NOB1: variants seen among roughly 807,000 people sequenced by gnomAD.
NOB1 encodes RNA-binding protein NOB1.
NOB1 carries 44 observed loss-of-function variants against 44.8 expected under a neutral mutation model. That is an observed-to-expected ratio of 0.98 (90% CI 0.77 to 1.26). NOB1 has a LOEUF of 1.26. NOB1 is among the 50% of genes most tolerant of loss of function. The probability of loss-of-function intolerance (pLI) is 0.00; values close to 1 mark genes in which losing one functional copy is unlikely to be tolerated. For synonymous variants in NOB1, 238 were observed against 218.7 expected (o/e 1.09, Z -0.78); for missense variants, 560 against 544.8 (o/e 1.03, Z -0.28).
intron 6 of NOB1, 56 bp downstream of exon 6, chr16:69,748,862 G>A (rs544952627): frequency 1.2e-4 from 179 of 1,446,196 alleles, no homozygotes; most frequent in Middle Eastern, 2.5e-4. Context: ...TGTACACCTC[G>A]GTAGGACCAC....
In NOB1 at chr16:69,744,859, G is replaced by A. The variant is rs770525334; in HGVS notation, c.969+14C>T. On this transcript the variant is annotated intron_variant, in intron 8 of 8. Transcript: ENST00000268802. Reference sequence around the variant, plus strand: ...CTCTGGTGTTGGGAGGGGACTGGGAGAGGCGCCACTCACCCGGAGGCCGCG... The same window carrying A: ...CTCTGGTGTTGGGAGGGGACTGGGAAAGGCGCCACTCACCCGGAGGCCGCG... 5 of 1,610,956 alleles carry A rather than the reference G, an allele frequency of 3.1e-6. No homozygotes were observed. The Admixed American group carries it at 6.7e-5, about 22-fold the overall frequency.
intron 8 of NOB1, among the ~76,000 whole-genome samples, chr16:69,743,561 A>G (rs896315038): frequency 6.6e-6 from 1 of 152,166 alleles, no homozygotes; most frequent in Non-Finnish European, 1.5e-5. Flanking sequence ...TTCCTGCCAA[A>G]ACTGCATAGC....
rs369237770 is a variant in NOB1, at chr16:69,754,783, C to A, written c.64-57G>T. On this transcript the variant is annotated intron_variant, in intron 1 of 8. Coordinates refer to ENST00000268802, the MANE Select transcript of NOB1 (RefSeq NM_014062.3). ...CCGCACCAAGCAACGCTCCGCGCGA[C>A]TCCACGCACTCCGGGAGGGGCGGCC... The A allele has an allele frequency of 8.1e-6, 13 of 1,612,034 alleles. No individual in the cohort carries two copies. In the African/African-American group the frequency reaches 1.2e-4, roughly 15 times the overall value.
intron 8 of NOB1, among the ~76,000 whole-genome samples, chr16:69,744,531 T>C (rs887243641): frequency 7.2e-5 from 11 of 152,082 alleles, no homozygotes; most frequent in Admixed American, 2.0e-4. Flanking sequence ...CGTCCGGCCC[T>C]CTCTTCCGTG....
rs1246576366 is a variant in NOB1, at chr16:69,754,648, C to G, written c.142G>C (p.Val48Leu). 6.2e-7 allele frequency: 1 copy of G among 1,614,118 alleles called. No individual in the cohort carries two copies. The highest frequency in any genetic ancestry group is 8.5e-7 in the Non-Finnish European group (1 of 1,180,062). Reference protein sequence around the residue: ...RDKATRRRLAVLPYELRFKEP... With the variant: ...RDKATRRRLALLPYELRFKEP... ...TTGAACCGCAGCTCGTAGGGCAGGA[C>G]AGCGAGCCGCCTGCGTGTGGCCTTG... is the stretch of plus-strand genomic sequence containing the variant. The change falls in exon 2 of 9, where the codon GTC (valine) becomes CTC (leucine). Residue 48 changes from valine (V) to leucine (L), a missense_variant. Coordinates refer to ENST00000268802, the MANE Select transcript of NOB1 (RefSeq NM_014062.3).
chr16:69,742,681 A>C (rs2038395120), intron 8 of NOB1, 80 bp from the exon 9 acceptor site: 1 of 1,430,172 alleles, frequency 7.0e-7, no homozygotes, highest in Non-Finnish European at 9.7e-7. Flanking sequence ...GGTGCAGCCG[A>C]CCTTGCAGAT....
intron 8 of NOB1, 39 bp downstream of exon 8, chr16:69,744,834 C>T (rs778695986): frequency 1.2e-6 from 2 of 1,601,366 alleles, no homozygotes; most frequent in South Asian, 1.1e-5. Flanking sequence ...TTCTTTTTCA[C>T]TCTGGTGTTG....
chr16:69,748,141 G>C, intron 7 of NOB1, 91 bp downstream of exon 7: 1 of 941,936 alleles, frequency 1.1e-6, no homozygotes. Context: ...CTCCAGCCTA[G>C]GTGACAGAGC....
In NOB1 at chr16:69,742,417, A is replaced by C. The variant is rs1462644831; in HGVS notation, c.1154T>G (p.Leu385Arg). ...ENDISSRSATLQVRDSTLGAG... is the reference protein window; with the variant it reads ...ENDISSRSATRQVRDSTLGAG... ...TCCCAAGGTGCTGTCCCGGACCTGC[A>C]GGGTAGCTGAGCGGCTGGAGATGTC... The change falls in exon 9 of 9, where the codon CTG (leucine) becomes CGG (arginine). Residue 385 changes from leucine to arginine, a missense_variant. Coordinates refer to ENST00000268802, the MANE Select transcript of NOB1 (RefSeq NM_014062.3). 1 of 1,614,110 alleles carries C rather than the reference A, an allele frequency of 6.2e-7. No individual in the cohort carries two copies. The highest frequency in any genetic ancestry group is 2.2e-5 in the East Asian group (1 of 44,906).
chr16:69,752,405 G>A, intron 2 of NOB1, 34 bp from the exon 3 acceptor site: 1 of 1,597,828 alleles, frequency 6.3e-7, no homozygotes, highest in South Asian at 1.1e-5. Flanking sequence ...TCAGTTAGAG[G>A]TAAAAAGCCA....
At chr16:69,744,526 G>C (rs566855113) in intron 8 of NOB1, among the ~76,000 whole-genome samples, 1 of 152,046 alleles carries the variant, frequency 6.6e-6, no homozygotes, top group Non-Finnish European at 1.5e-5. Context: ...TAGCCCGTCC[G>C]GCCCTCTCTT....
intron 6 of NOB1, 129 bp from the exon 7 acceptor site, chr16:69,748,458 G>A (rs1394474496): frequency 2.6e-6 from 2 of 764,200 alleles, no homozygotes; most frequent in African/African-American, 1.8e-5. Flanking sequence ...CTCAGCCTGG[G>A]GAGGCCTCTC....
At chr16:69,745,057 A>C in intron 7 of NOB1, 40 bp from the exon 8 acceptor site, 5 of 1,608,910 alleles carry the variant, frequency 3.1e-6, no homozygotes, top group Non-Finnish European at 4.3e-6. Flanking sequence ...CCAAAGCCAC[A>C]GGCAGCAAAC....
chr16:69,748,810 C>G, intron 6 of NOB1, 108 bp downstream of exon 6: 1 of 1,048,262 alleles, frequency 9.5e-7, no homozygotes, highest in East Asian at 2.6e-5. Flanking sequence ...GTTTCCAGAA[C>G]CAGGAAAAGA....
intron 8 of NOB1, 118 bp from the exon 9 acceptor site, chr16:69,742,719 G>T: frequency 1.0e-6 from 1 of 1,002,684 alleles, no homozygotes; most frequent in African/African-American, 1.6e-5. Flanking sequence ...ACAGCGGGTG[G>T]TAATTGACTG....
intron 6 of NOB1, 81 bp downstream of exon 6, chr16:69,748,837 A>G: frequency 8.0e-7 from 1 of 1,244,032 alleles, no homozygotes; most frequent in Non-Finnish European, 1.1e-6. Flanking sequence ...GCACAGCACC[A>G]GTTCCGTGTA....
rs938405526 is a variant in NOB1, at chr16:69,749,086, C to T, written c.558G>A (p.Glu186=). The T allele has an allele frequency of 1.2e-6, 2 of 1,614,268 alleles. No individual in the cohort carries two copies. Among genetic ancestry groups the T allele is most frequent in the African/African-American group, 2.7e-5 (2 of 75,074 alleles). ...IDRGEDVPSE[E]EEEEENGFED... is the part of the protein sequence containing the mutation. ...CAAACCCGTTTTCTTCCTCCTCCTC[C>T]TCCTCACTTGGAACGTCCTCACCTC... Residue 186 remains glutamate, a synonymous_variant, in exon 6 of 9, where the codon GAG becomes GAA. Coordinates refer to ENST00000268802, the MANE Select transcript of NOB1 (RefSeq NM_014062.3).
At chr16:69,749,658 C>G in intron 3 of NOB1, 28 bp from the exon 4 acceptor site, 1 of 1,542,644 alleles carries the variant, frequency 6.5e-7, no homozygotes, top group Non-Finnish European at 8.8e-7. Flanking sequence ...ACATATACCT[C>G]TTGTTATCAA....
At chr16:69,747,730 G>A (rs1207859356) in intron 7 of NOB1, among the ~76,000 whole-genome samples, 55 of 152,168 alleles carry the variant, frequency 3.6e-4, no homozygotes, top group Non-Finnish European at 1.5e-5. Context: ...CTGAGATACG[G>A]TGGGAGGTCA....
Sources: gnomAD v4.1 joint callset for allele counts (sites outside exome capture counted in the v4.1 genomes callset) on GRCh38, gnomAD v4.1.1 for gene constraint, MANE v1.5 for transcripts, NCBI Gene and HGNC (gene_info 2026-07-23, HGNC 2026-07-21) for gene names.